PIP5K1A: variants seen among roughly 807,000 people sequenced by gnomAD.
The protein encoded by PIP5K1A is phosphatidylinositol 4-phosphate 5-kinase type-1 alpha.
In PIP5K1A, 46 loss-of-function variants were observed where a neutral mutation model predicts 72.9. The observed-to-expected ratio is 0.63, with a 90% CI of 0.50 to 0.81. PIP5K1A has a LOEUF of 0.81. Among genes scored for constraint, PIP5K1A ranks in the 30% least tolerant of loss-of-function variants. The pLI, the probability that PIP5K1A is intolerant of heterozygous loss-of-function variation, is 0.00. For synonymous variants in PIP5K1A, 228 were observed against 255.1 expected (o/e 0.89, Z 1.01); for missense variants, 458 against 706.1 (o/e 0.65, Z 3.98).
At chr1:151,232,441 C>G in intron 6 of PIP5K1A, 76 bp downstream of exon 6, 1 of 1,486,794 alleles carries the variant, frequency 6.7e-7, no homozygotes, top group Non-Finnish European at 9.4e-7. Context: ...CTTTTCTCCA[C>G]AGTCTCGCTC....
At chr1:151,199,471 G>C (rs935021514) in intron 1 of PIP5K1A, among the ~76,000 whole-genome samples, 4 of 152,072 alleles carry the variant, frequency 2.6e-5, no homozygotes, top group African/African-American at 9.7e-5. Context: ...AAATTATCCG[G>C]ACAGTAGTGG....
rs138933471 is a variant in PIP5K1A, at chr1:151,209,159, A to G, written c.85+10078A>G. ...TTGTGTCTCCCACCTGCAGGCGTAT[A>G]GAGTGTCTTTCAGTATTCCAAGTTA... On this transcript the variant is annotated intron_variant, in intron 1 of 15. Coordinates refer to ENST00000368888, the MANE Select transcript of PIP5K1A (RefSeq NM_001135638.2). Among the ~76,000 whole-genome samples the G allele has an allele frequency of 3.0e-4, 45 of 152,216 alleles. No homozygotes were observed. The East Asian group carries it at 8.3e-3, about 28-fold the overall frequency.
At chr1:151,212,349 C>G (rs1242916996) in intron 1 of PIP5K1A, among the ~76,000 whole-genome samples, 1 of 152,128 alleles carries the variant, frequency 6.6e-6, no homozygotes, top group Non-Finnish European at 1.5e-5. Context: ...TTTACATTTT[C>G]TCCTTCCTCT....
chr1:151,206,914 G>T (rs183742391), intron 1 of PIP5K1A, among the ~76,000 whole-genome samples: 1 of 151,932 alleles, frequency 6.6e-6, no homozygotes, highest in Admixed American at 6.6e-5. Flanking sequence ...CGCCAGGCTG[G>T]TCTCGAACTT....
At chr1:151,230,576 G>A (rs1052222842) in intron 4 of PIP5K1A, among the ~76,000 whole-genome samples, 4 of 152,034 alleles carry the variant, frequency 2.6e-5, no homozygotes, top group Admixed American at 6.6e-5. Flanking sequence ...CAGTCTGGCT[G>A]TGTTACCCAG....
intron 3 of PIP5K1A, among the ~76,000 whole-genome samples, chr1:151,224,869 T>C (rs988765764): frequency 6.6e-6 from 1 of 152,172 alleles, no homozygotes; most frequent in African/African-American, 2.4e-5. Flanking sequence ...TTCTCACTTC[T>C]TGCCTCTCCC....
chr1:151,202,598 A>C (rs1685356670), intron 1 of PIP5K1A, among the ~76,000 whole-genome samples: 1 of 151,372 alleles, frequency 6.6e-6, no homozygotes, highest in South Asian at 2.1e-4. Context: ...CAGCCTCCCA[A>C]GTAACAGATT....
intron 15 of PIP5K1A, 151 bp from the exon 16 acceptor site, chr1:151,247,711 AC>A: frequency 1.6e-6 from 1 of 629,366 alleles, no homozygotes. Flanking sequence ...GGTGTGAGCC[AC>A]CATGCGCGGC....
chr1:151,237,123 C>A (rs587595448), intron 9 of PIP5K1A, among the ~76,000 whole-genome samples: 1 of 152,178 alleles, frequency 6.6e-6, no homozygotes, highest in Non-Finnish European at 1.5e-5. Flanking sequence ...AGCCACCGTG[C>A]CCGGCCACAG....
intron 1 of PIP5K1A, among the ~76,000 whole-genome samples, chr1:151,200,812 G>GTATTTATT (rs36040796): frequency 0.016 from 2,364 of 149,432 alleles, 51 homozygotes; most frequent in African/African-American, 0.041. Flanking sequence ...AAGTGACAGG[G>GTATTTATT]TATTTATTTA....
chr1:151,218,053 T>G (rs183093787), intron 1 of PIP5K1A, among the ~76,000 whole-genome samples: 7 of 152,294 alleles, frequency 4.6e-5, no homozygotes, highest in Admixed American at 1.3e-4. Flanking sequence ...GTGGTGGGAT[T>G]GCAGGCGTGA....
upstream of PIP5K1A, among the ~76,000 whole-genome samples, chr1:151,195,799 CTGTT>C (rs1285587520): frequency 1.4e-5 from 2 of 146,742 alleles, no homozygotes; most frequent in African/African-American, 2.5e-5. Context: ...GAAGATTCCT[CTGTT>C]TGACTGCGTT....
At chr1:151,229,167 C>CAA (rs34356281) in intron 4 of PIP5K1A, among the ~76,000 whole-genome samples, 4,480 of 41,266 alleles carry the variant, frequency 0.11, 1,017 homozygotes, top group African/African-American at 0.15. Context: ...GACCCCGTCT[C>CAA]AAAAAAAAAA....
At chr1:151,210,747 G>A (rs1048721590) in intron 1 of PIP5K1A, among the ~76,000 whole-genome samples, 5 of 151,972 alleles carry the variant, frequency 3.3e-5, no homozygotes, top group East Asian at 1.9e-4. Context: ...CACCATGCCC[G>A]GCTAATTTTT....
intron 1 of PIP5K1A, among the ~76,000 whole-genome samples, chr1:151,210,316 C>T (rs1686617376): frequency 6.6e-6 from 1 of 151,128 alleles, no homozygotes; most frequent in Non-Finnish European, 1.5e-5. Context: ...CCACCTCAGC[C>T]TACTCAGGAT....
intron 1 of PIP5K1A, among the ~76,000 whole-genome samples, chr1:151,205,159 C>G (rs1388533648): frequency 6.6e-6 from 1 of 152,022 alleles, no homozygotes; most frequent in Non-Finnish European, 1.5e-5. Flanking sequence ...TTGTTCTCTC[C>G]TAGAATGTTA....
intron 1 of PIP5K1A, among the ~76,000 whole-genome samples, chr1:151,222,853 A>G (rs1372499193): frequency 6.6e-6 from 1 of 152,174 alleles, no homozygotes; most frequent in African/African-American, 2.4e-5. Flanking sequence ...TGAGATGGTA[A>G]TTTGAATTTC....
At chr1:151,242,922 C>T (rs1691968995) in intron 14 of PIP5K1A, among the ~76,000 whole-genome samples, 1 of 152,196 alleles carries the variant, frequency 6.6e-6, no homozygotes, top group African/African-American at 2.4e-5. Flanking sequence ...TGTCTGGGGG[C>T]TTCCCTCAGT....
chr1:151,225,407 G>T (rs1313635867), intron 3 of PIP5K1A, among the ~76,000 whole-genome samples: 1 of 151,666 alleles, frequency 6.6e-6, no homozygotes, highest in East Asian at 1.9e-4. Flanking sequence ...CATGTCTGTT[G>T]CTCTGGCATT....
Sources: gnomAD v4.1 joint callset for allele counts (sites outside exome capture counted in the v4.1 genomes callset) on GRCh38, gnomAD v4.1.1 for gene constraint, MANE v1.5 for transcripts, NCBI Gene and HGNC (gene_info 2026-07-23, HGNC 2026-07-21) for gene names.